INPP4B: variants seen among roughly 807,000 people sequenced by gnomAD.
The protein encoded by INPP4B is inositol polyphosphate-4-phosphatase type II B.
A neutral mutation model predicts 122.5 loss-of-function variants in INPP4B; 55 were observed. That is an observed-to-expected ratio of 0.45 (90% CI 0.36 to 0.56). INPP4B has a LOEUF of 0.56. INPP4B is among the 20% of genes least tolerant of loss of function. The pLI is 0.00. For synonymous variants in INPP4B, 403 were observed against 388.7 expected (o/e 1.04, Z -0.43); for missense variants, 1,000 against 1,097.7 (o/e 0.91, Z 1.26).
At chr4:142,279,073 G>A (rs1361209391) in intron 9 of INPP4B, among the ~76,000 whole-genome samples, 2 of 151,942 alleles carry the variant, frequency 1.3e-5, no homozygotes, top group African/African-American at 4.8e-5. Flanking sequence ...TAAATAAAAT[G>A]TTTAGGAGTG....
At chr4:142,036,821 T>A (rs336342) in intron 25 of INPP4B, among the ~76,000 whole-genome samples, 131,372 of 152,098 alleles carry the variant, frequency 0.86, 58,106 homozygotes, top group Non-Finnish European at 0.97. Flanking sequence ...CTGCTTCAGA[T>A]CCTAAAGCTT....
chr4:142,641,228 C>A lies in INPP4B; in HGVS notation c.-191+84611G>T, dbSNP rs1423477029. Among the ~76,000 whole-genome samples, 8 of 151,986 alleles carry A rather than the reference C, an allele frequency of 5.3e-5. No homozygotes were observed. The East Asian group carries it at 1.5e-3, about 29-fold the overall frequency. On this transcript the variant is annotated intron_variant, in intron 2 of 25. Transcript: ENST00000262992. Reference sequence around the variant, plus strand: ...ATTGCTAAAATGTGGTCTATTCATACAAGAAAATGCTATACAGCACCAAAA... The same window carrying A: ...ATTGCTAAAATGTGGTCTATTCATAAAAGAAAATGCTATACAGCACCAAAA...
chr4:142,514,796 T>TTC (rs1553948360), intron 2 of INPP4B, among the ~76,000 whole-genome samples: 2 of 130,778 alleles, frequency 1.5e-5, no homozygotes, highest in Admixed American at 8.0e-5. Context: ...TGATTTCTTT[T>TTC]TTTTTTTTTT....
intron 5 of INPP4B, among the ~76,000 whole-genome samples, chr4:142,428,607 T>A (rs995040862): frequency 2.0e-5 from 3 of 152,010 alleles, no homozygotes; most frequent in African/African-American, 7.2e-5. Flanking sequence ...AATGCACACT[T>A]TTAATTCATC....
chr4:142,151,748 A>G (rs1045448088), intron 17 of INPP4B, among the ~76,000 whole-genome samples: 22 of 152,196 alleles, frequency 1.4e-4, no homozygotes, highest in African/African-American at 5.1e-4. Flanking sequence ...GTAGACCTAG[A>G]TAATTCTTAT....
intron 3 of INPP4B, among the ~76,000 whole-genome samples, chr4:142,453,477 G>T (rs1481905048): frequency 6.6e-6 from 1 of 152,104 alleles, no homozygotes; most frequent in Admixed American, 6.6e-5. Context: ...ACATTTCAAA[G>T]TAAGACAGAT....
chr4:142,244,221 TC>T (rs1860963148), intron 11 of INPP4B, among the ~76,000 whole-genome samples: 1 of 149,926 alleles, frequency 6.7e-6, no homozygotes, highest in Non-Finnish European at 1.5e-5. Context: ...TTCATCGATG[TC>T]CCTGCAAAGG....
chr4:142,112,675 A>T lies in INPP4B; in HGVS notation c.2143T>A (p.Tyr715Asn). 6.2e-7 allele frequency: 1 copy of T among 1,609,472 alleles called. No homozygotes were observed. The highest frequency in any genetic ancestry group is 8.5e-7 in the Non-Finnish European group (1 of 1,178,662). Residue 715 changes from tyrosine to asparagine, a missense_variant, in exon 22 of 26, where the codon TAC (tyrosine) becomes AAC (asparagine). Tyr to Asn is a moderately radical substitution (Grantham distance 143). Transcript: ENST00000262992. ...LPVITGRREHYVVEVKLPARM... is the reference protein window; with the variant it reads ...LPVITGRREHNVVEVKLPARM... Reference sequence around the variant, plus strand: ...GCTGGAAGCTTGACCTCTACCACGTAATGTTCTCTAAAGAAGGCAGAGGAC... The same window carrying T: ...GCTGGAAGCTTGACCTCTACCACGTTATGTTCTCTAAAGAAGGCAGAGGAC...
At chr4:142,398,893 A>T (rs1800640348) in intron 7 of INPP4B, among the ~76,000 whole-genome samples, 3 of 152,174 alleles carry the variant, frequency 2.0e-5, no homozygotes, top group Admixed American at 2.0e-4. Flanking sequence ...CTGTCCTATA[A>T]GCAAAGAATT....
At chr4:142,677,979 T>C (rs1369348813) in intron 2 of INPP4B, among the ~76,000 whole-genome samples, 1 of 151,764 alleles carries the variant, frequency 6.6e-6, no homozygotes, top group African/African-American at 2.4e-5. Flanking sequence ...TCCCAGAACT[T>C]AAAGTACAAT....
chr4:142,308,713 T>A (rs1764355683), intron 8 of INPP4B, among the ~76,000 whole-genome samples: 1 of 151,500 alleles, frequency 6.6e-6, no homozygotes, highest in African/African-American at 2.4e-5. Flanking sequence ...ATTATATAAT[T>A]TAAGATAATT....
At chr4:142,468,228 G>A (rs1299522463) in intron 2 of INPP4B, among the ~76,000 whole-genome samples, 1 of 152,062 alleles carries the variant, frequency 6.6e-6, no homozygotes, top group East Asian at 1.9e-4. Context: ...GCTAAAGTCA[G>A]AGCTGACTAT....
intron 12 of INPP4B, among the ~76,000 whole-genome samples, chr4:142,220,151 T>G (rs1443148301): frequency 6.6e-6 from 1 of 152,216 alleles, no homozygotes; most frequent in Non-Finnish European, 1.5e-5. Context: ...ATTCAGGACA[T>G]GTACTCACTT....
rs1292527656 is a variant in INPP4B at position 142,025,476 on chromosome 4, A to ACTT, written c.*3303_*3305dup. The ACTT allele has an allele frequency of 6.6e-6, 1 of 152,174 alleles. No homozygotes were observed. The highest frequency in any genetic ancestry group is 1.5e-5 in the Non-Finnish European group (1 of 68,034). 9.4% of individuals were successfully genotyped at this position (152,174 alleles called of 1,614,324 possible). On this transcript the variant is annotated 3_prime_UTR_variant, in exon 26 of 26. Transcript: ENST00000262992. ...ACAACTAGCTTACAAAATTTCTGGT[A>ACTT]CTTTAATTATCAACTTTTATGCATC...
intron 2 of INPP4B, among the ~76,000 whole-genome samples, chr4:142,594,350 G>A (rs1025815765): frequency 4.6e-5 from 7 of 152,194 alleles, no homozygotes; most frequent in Middle Eastern, 3.4e-3. Flanking sequence ...CATTTTAAAA[G>A]GTTTGCATCA....
chr4:142,228,244 A>C (rs1170526247), intron 12 of INPP4B, among the ~76,000 whole-genome samples: 1 of 152,118 alleles, frequency 6.6e-6, no homozygotes, highest in Non-Finnish European at 1.5e-5. Flanking sequence ...AGATAAAAAG[A>C]AAAAATTAAG....
intron 8 of INPP4B, among the ~76,000 whole-genome samples, chr4:142,308,356 CT>C (rs373458000): frequency 0.013 from 2,007 of 152,238 alleles, 42 homozygotes; most frequent in African/African-American, 0.042. Flanking sequence ...CAATGCTATC[CT>C]TTTTTTAATC....
intron 2 of INPP4B, among the ~76,000 whole-genome samples, chr4:142,713,463 C>T (rs1763362824): frequency 6.6e-6 from 1 of 151,974 alleles, no homozygotes; most frequent in South Asian, 2.1e-4. Flanking sequence ...AGAGAGTAAG[C>T]GAAAGATTGT....
intron 2 of INPP4B, among the ~76,000 whole-genome samples, chr4:142,541,327 A>C (rs1828918404): frequency 6.6e-6 from 1 of 152,184 alleles, no homozygotes; most frequent in African/African-American, 2.4e-5. Context: ...ATTGGCAATA[A>C]GTAGAAAATT....
Sources: gnomAD v4.1 joint callset for allele counts (sites outside exome capture counted in the v4.1 genomes callset) on GRCh38, gnomAD v4.1.1 for gene constraint, MANE v1.5 for transcripts, NCBI Gene and HGNC (gene_info 2026-07-23, HGNC 2026-07-21) for gene names.